Variants in WIPI2 observed in about 807,000 individuals in gnomAD.
WIPI2 encodes the protein WD repeat domain phosphoinositide-interacting protein 2.
In WIPI2, 28 loss-of-function variants were observed where a neutral mutation model predicts 52.3. The ratio of observed to expected loss-of-function variants is 0.54; its 90% CI spans 0.40 to 0.73. The LOEUF (loss-of-function observed/expected upper bound fraction) is 0.73, where lower values mean the gene tolerates loss of function less well. Ranked by LOEUF, WIPI2 falls within the 30% of genes least tolerant of loss-of-function variation. WIPI2 has a pLI of 0.00. For synonymous variants in WIPI2, 268 were observed against 245.0 expected, an observed-to-expected ratio of 1.09 and a Z score of -0.88; for missense variants, 506 against 602.9, an observed-to-expected ratio of 0.84 and a Z score of 1.68.
intron 1 of WIPI2, 59 bp from the exon 2 acceptor site, chr7:5,193,059 C>G: frequency 6.6e-7 from 1 of 1,520,496 alleles, no homozygotes; most frequent in Non-Finnish European, 9.1e-7. Context: ...TAAAAGTGTG[C>G]ATAAGTTTTA....
chr7:5,230,771 G>T lies in WIPI2; in HGVS notation c.1253-64G>T, dbSNP rs898508538. ...GTGTTTCCAAAACACAGTCCTCAGT[G>T]TGTGTCATGGGGTCTGTGGTGTGTC... is the stretch of plus-strand genomic sequence containing the variant. On this transcript the variant is annotated intron_variant, in intron 12 of 12. Transcript: ENST00000288828. The surrounding 1 kb of genome is among the most constrained non-coding windows in gnomAD (Gnocchi z 4.8). 1.4e-5 allele frequency: 17 copies of T among 1,230,914 alleles called. No individual in the cohort carries two copies. Among genetic ancestry groups the T allele is most frequent in the African/African-American group, 4.6e-5 (3 of 65,840 alleles). The allele number at this position is 1,230,914 out of a possible 1,614,324, so 76.2% of individuals were successfully genotyped here.
At chr7:5,229,189 G>C (rs2115324543) in intron 11 of WIPI2, among the ~76,000 whole-genome samples, 1 of 152,188 alleles carries the variant, frequency 6.6e-6, no homozygotes, top group African/African-American at 2.4e-5. Flanking sequence ...CTAATTTTTT[G>C]TATTTTTAGT....
intron 3 of WIPI2, among the ~76,000 whole-genome samples, chr7:5,204,696 G>GTTTT (rs533063392): frequency 1.4e-5 from 2 of 147,952 alleles, no homozygotes; most frequent in African/African-American, 4.9e-5. Context: ...CTACTACTGC[G>GTTTT]TTTTTTTTTT....
At chr7:5,197,107 G>A (rs1414150470) in intron 2 of WIPI2, among the ~76,000 whole-genome samples, 6 of 77,450 alleles carry the variant, frequency 7.7e-5, no homozygotes, top group African/African-American at 3.6e-4. Flanking sequence ...GCGGGACTCC[G>A]TCTCAAAAAA....
intron 9 of WIPI2, 33 bp downstream of exon 9, chr7:5,225,963 A>T: frequency 1.3e-6 from 2 of 1,584,006 alleles, no homozygotes; most frequent in Non-Finnish European, 1.7e-6. Context: ...TTTAAAAATG[A>T]TGCAAAACCC....
At chr7:5,225,511 T>TA (rs985828742) in intron 8 of WIPI2, among the ~76,000 whole-genome samples, 4 of 152,162 alleles carry the variant, frequency 2.6e-5, no homozygotes, top group African/African-American at 9.7e-5. Flanking sequence ...GGCTGTAACT[T>TA]AAATTACTGA....
intron 2 of WIPI2, among the ~76,000 whole-genome samples, chr7:5,197,714 A>T (rs1256924406): frequency 6.6e-6 from 1 of 152,212 alleles, no homozygotes; most frequent in Admixed American, 6.5e-5. Context: ...TTAATAAATC[A>T]CATGATCATT....
In WIPI2 at chr7:5,228,141, G is replaced by A. The variant is rs765007819; in HGVS notation, c.1051G>A (p.Asp351Asn). The A allele has an allele frequency of 4.3e-6, 7 of 1,613,888 alleles. No individual in the cohort carries two copies. Among genetic ancestry groups the A allele is most frequent in the Non-Finnish European group, 5.1e-6 (6 of 1,180,008 alleles). ...CCCGCGGTTGTTGGTGGGTGCCGCC[G>A]ACGGGTACCTGTACATGTACAACCT... ...KIPRLLVGAADGYLYMYNLDP... is the reference protein window; with the variant it reads ...KIPRLLVGAANGYLYMYNLDP... The change falls in exon 11 of 13, where the codon GAC (aspartate) becomes AAC (asparagine). Residue 351 changes from aspartate to asparagine, a missense_variant. Physicochemically the swap from Asp to Asn is conservative, Grantham distance 23. This residue lies in a region of WIPI2 where 194 missense variants were observed against 175.1 expected (regional missense o/e 1.11). Coordinates refer to ENST00000288828, the MANE Select transcript of WIPI2 (RefSeq NM_015610.4).
intron 6 of WIPI2, 88 bp from the exon 7 acceptor site, chr7:5,217,834 C>T (rs1782898401): frequency 7.9e-7 from 1 of 1,268,976 alleles, no homozygotes; most frequent in Non-Finnish European, 1.1e-6. Flanking sequence ...TTAGGAACAG[C>T]TAATTGGCAC....
chr7:5,191,388 C>T (rs1224878539), intron 1 of WIPI2, among the ~76,000 whole-genome samples: 1 of 152,182 alleles, frequency 6.6e-6, no homozygotes, highest in Non-Finnish European at 1.5e-5. Context: ...TAGCAATAAC[C>T]TTGGCATCTG....
Position 5,203,624 on chromosome 7 carries a change from C to CA in WIPI2, c.211+3966_211+3967insA, listed in dbSNP as rs1562389195. On this transcript the variant is annotated intron_variant, in intron 3 of 12. Transcript: ENST00000288828. ...GGAAGTCACTAAAGTTTACGTTCAG[C>CA]CTTTTTTTTTTTTTTTTTTTTTTTT... is the stretch of plus-strand genomic sequence containing the variant. 3.6e-3 allele frequency among the ~76,000 whole-genome samples: 474 copies of CA among 130,882 alleles called. 3 individuals are homozygous for CA. Among genetic ancestry groups the CA allele is most frequent in the African/African-American group, 0.014 (466 of 33,508 alleles). 85.9% of individuals were successfully genotyped at this position (130,882 alleles called of 152,430 possible). A position where few individuals can be genotyped will look rare whatever the true frequency, so the allele number is the denominator to read the frequency against.
Position 5,190,397 on chromosome 7 carries a change from G to GC in WIPI2, c.-20dup, listed in dbSNP as rs779821736. 5.9e-6 allele frequency: 8 copies of GC among 1,360,086 alleles called. No homozygotes were observed. Among genetic ancestry groups the GC allele is most frequent in the Non-Finnish European group, 6.7e-6 (7 of 1,049,968 alleles). 84.3% of individuals were successfully genotyped at this position (1,360,086 alleles called of 1,614,324 possible). ...TCGCGCGCGCGCCCTCCCCGGCCGG[G>GC]CCCACTCGCCGCGCGCCCAGCCATG... is the stretch of plus-strand genomic sequence containing the variant. On this transcript the variant is annotated 5_prime_UTR_variant, in exon 1 of 13. Coordinates refer to ENST00000288828, the MANE Select transcript of WIPI2 (RefSeq NM_015610.4).
chr7:5,213,835 G>A lies in WIPI2; in HGVS notation c.212-700G>A, dbSNP rs576762384. Among the ~76,000 whole-genome samples, 10 of 152,198 alleles carry A rather than the reference G, an allele frequency of 6.6e-5. No individual in the cohort carries two copies. The East Asian group carries it at 1.5e-3, about 23-fold the overall frequency. ...TGAGTAGCTGGGACTACAGGCGCCCGCCACCACGCCTGGCTGATTTTTTGT... is the reference window on the plus strand; with the variant it reads ...TGAGTAGCTGGGACTACAGGCGCCCACCACCACGCCTGGCTGATTTTTTGT... On this transcript the variant is annotated intron_variant, in intron 3 of 12. Transcript: ENST00000288828.
At chr7:5,211,442 A>C (rs1442845594) in intron 3 of WIPI2, among the ~76,000 whole-genome samples, 2 of 152,242 alleles carry the variant, frequency 1.3e-5, no homozygotes, top group East Asian at 3.9e-4. Context: ...ATTGCACTCC[A>C]GCCTGGGCAA....
At chr7:5,215,226 G>A (rs1223294309) in intron 4 of WIPI2, among the ~76,000 whole-genome samples, 4 of 151,738 alleles carry the variant, frequency 2.6e-5, no homozygotes, top group South Asian at 4.2e-4. Context: ...CAGGAAAATC[G>A]CTTGAACCCG....
At chr7:5,217,401 C>G in intron 6 of WIPI2, 1 of 552,874 alleles carries the variant, frequency 1.8e-6, no homozygotes, top group Non-Finnish European at 3.3e-6. Context: ...ACCTCCTGGG[C>G]TCAATTGATC....
At position 5,227,026 on chromosome 7, in the gene WIPI2, C is replaced by T. The variant is rs1783469045; in HGVS notation, c.849-154C>T. ...GAAGCTCCGTGATGCCCCTGGGGCC[C>T]TGAGTGTCTGCTTATAACCAACCCT... On this transcript the variant is annotated intron_variant, in intron 9 of 12. Transcript: ENST00000288828. This position sits in a 1 kb window ranked among gnomAD's most constrained non-coding sequence, Gnocchi z 8.1. 2 of 1,036,180 alleles carry T rather than the reference C, an allele frequency of 1.9e-6. No homozygotes were observed. Among genetic ancestry groups the T allele is most frequent in the Non-Finnish European group, 1.4e-6 (1 of 716,084 alleles). 64.2% of individuals were successfully genotyped at this position (1,036,180 alleles called of 1,614,324 possible). A position where few individuals can be genotyped will look rare whatever the true frequency, so the allele number is the denominator to read the frequency against.
At chr7:5,202,284 C>G (rs2115228353) in intron 3 of WIPI2, among the ~76,000 whole-genome samples, 1 of 152,290 alleles carries the variant, frequency 6.6e-6, no homozygotes, top group African/African-American at 2.4e-5. Context: ...CTTGGTCTAG[C>G]AGTACTGGAA....
chr7:5,220,960 ATTTTTT>A (rs11361126), intron 7 of WIPI2, among the ~76,000 whole-genome samples: 1 of 107,552 alleles, frequency 9.3e-6, no homozygotes. Flanking sequence ...CACCCACCTA[ATTTTTT>A]TTTTTTTTTT....
Sources: allele counts gnomAD v4.1 joint callset (sites outside exome capture counted in the v4.1 genomes callset), GRCh38; gene constraint gnomAD v4.1.1; regional missense constraint gnomAD v4.1.1; non-coding constraint Gnocchi (gnomAD v3.1); transcripts MANE v1.5; gene names NCBI Gene and HGNC (gene_info 2026-07-23, HGNC 2026-07-21).